Variants in TDRP observed in about 807,000 individuals in gnomAD.
TDRP encodes the protein testis development related protein.
A neutral mutation model predicts 10.5 loss-of-function variants in TDRP; 12 were observed. That is an observed-to-expected ratio of 1.15 (90% CI 0.73 to 1.86). TDRP has a LOEUF of 1.86. Ranked by LOEUF, TDRP falls within the 40% of genes most tolerant of loss-of-function variation. TDRP has a pLI of 0.00. For synonymous variants in TDRP, 139 were observed against 95.4 expected, an observed-to-expected ratio of 1.46 and a Z score of -2.67; for missense variants, 353 against 229.2, an observed-to-expected ratio of 1.54 and a Z score of -3.49.
chr8:515,196 G>C (rs981583051), intron 1 of TDRP, among the ~76,000 whole-genome samples: 1 of 152,118 alleles, frequency 6.6e-6, no homozygotes, highest in African/African-American at 2.4e-5. Flanking sequence ...CACACTGATA[G>C]GTTCTCTTCC....
chr8:497,841 G>C (rs1801176835), intron 1 of TDRP, among the ~76,000 whole-genome samples: 1 of 152,160 alleles, frequency 6.6e-6, no homozygotes, highest in South Asian at 2.1e-4. Flanking sequence ...CTGTGTCCCA[G>C]CCGCTCCACC....
intron 1 of TDRP, among the ~76,000 whole-genome samples, chr8:543,927 A>AGGGGG (rs1196311229): frequency 1.5e-3 from 17 of 11,366 alleles, no homozygotes; most frequent in African/African-American, 2.4e-3. Context: ...GGAAAAAGGG[A>AGGGGG]GGGGGGGGGA....
At chr8:531,345 T>A (rs1209014941) in intron 1 of TDRP, among the ~76,000 whole-genome samples, 1 of 152,204 alleles carries the variant, frequency 6.6e-6, no homozygotes, top group Non-Finnish European at 1.5e-5. Context: ...ACCATTGTGC[T>A]GACATCAGAC....
At chr8:522,056 T>C (rs1470710283) in intron 1 of TDRP, among the ~76,000 whole-genome samples, 3 of 152,212 alleles carry the variant, frequency 2.0e-5, no homozygotes, top group Non-Finnish European at 2.9e-5. Flanking sequence ...TTCATGTTGA[T>C]ATTGTATCCT....
chr8:514,774 C>G (rs756514416), intron 1 of TDRP, among the ~76,000 whole-genome samples: 1 of 152,168 alleles, frequency 6.6e-6, no homozygotes, highest in South Asian at 2.1e-4. Flanking sequence ...AAGGCCCACC[C>G]GAGAAGCAAC....
chr8:501,018 A>G (rs993999504), intron 1 of TDRP, among the ~76,000 whole-genome samples: 5 of 152,138 alleles, frequency 3.3e-5, no homozygotes, highest in Non-Finnish European at 7.3e-5. Flanking sequence ...CATCCTGGCT[A>G]ACACGGTGAA....
chr8:531,952 T>G (rs1467140308), intron 1 of TDRP, among the ~76,000 whole-genome samples: 1 of 152,306 alleles, frequency 6.6e-6, no homozygotes, highest in African/African-American at 2.4e-5. Flanking sequence ...CCTGCGGTGG[T>G]TGCGTAATAA....
At chr8:543,830 C>G (rs983965144) in intron 1 of TDRP, among the ~76,000 whole-genome samples, 7 of 150,634 alleles carry the variant, frequency 4.6e-5, no homozygotes, top group African/African-American at 1.7e-4. Flanking sequence ...GAAGTTGCCA[C>G]ACGTTTAACA....
chr8:496,833 T>G (rs1490241814), intron 1 of TDRP, among the ~76,000 whole-genome samples: 4 of 152,206 alleles, frequency 2.6e-5, no homozygotes, highest in Non-Finnish European at 5.9e-5. Flanking sequence ...GGTGTTCTCA[T>G]GAGATCTGAT....
At chr8:498,784 G>A (rs978189395) in intron 1 of TDRP, among the ~76,000 whole-genome samples, 18 of 152,148 alleles carry the variant, frequency 1.2e-4, no homozygotes, top group Non-Finnish European at 1.5e-4. Flanking sequence ...GGGACCTGGT[G>A]GGACGTGACT....
chr8:510,526 T>A (rs1376695079), intron 1 of TDRP, among the ~76,000 whole-genome samples: 2 of 152,228 alleles, frequency 1.3e-5, no homozygotes, highest in East Asian at 3.9e-4. Context: ...CCAATAAGAT[T>A]AACAGCTGAC....
chr8:535,542 C>G (rs1384960515), intron 1 of TDRP, among the ~76,000 whole-genome samples: 1 of 152,166 alleles, frequency 6.6e-6, no homozygotes, highest in Non-Finnish European at 1.5e-5. Context: ...AGGTAAAATC[C>G]TCTTGAGCTT....
chr8:536,527 G>A (rs537981073), intron 1 of TDRP, among the ~76,000 whole-genome samples: 2 of 152,212 alleles, frequency 1.3e-5, no homozygotes, highest in South Asian at 4.1e-4. Context: ...TACTGATCAA[G>A]TATTTCTGAA....
chr8:533,375 T>G (rs1802259997), intron 1 of TDRP, among the ~76,000 whole-genome samples: 1 of 152,084 alleles, frequency 6.6e-6, no homozygotes. Context: ...GGCACGCCCT[T>G]CTCCTGACAA....
intron 1 of TDRP, among the ~76,000 whole-genome samples, chr8:518,568 T>G (rs1004225648): frequency 6.6e-6 from 1 of 152,130 alleles, no homozygotes; most frequent in Non-Finnish European, 1.5e-5. Context: ...AACAAAAGTC[T>G]AGGAAAGCTG....
At position 491,435 on chromosome 8, in the gene TDRP, A is replaced by T. The variant is rs1289828199; in HGVS notation, c.*964T>A. ...AAGGACAGTAAGCAGACAGAAAAAG[A>T]ACGCGAGAGATGCTCTCAAACCGGT... On this transcript the variant is annotated 3_prime_UTR_variant, in exon 3 of 3. Coordinates refer to ENST00000324079, the MANE Select transcript of TDRP (RefSeq NM_001384899.1). 1.8e-6 allele frequency: 1 copy of T among 542,144 alleles called. No individual in the cohort carries two copies. The highest frequency in any genetic ancestry group is 3.0e-6 in the Non-Finnish European group (1 of 331,442). The allele number at this position is 542,144 out of a possible 1,614,324, so 33.6% of individuals were successfully genotyped here.
intron 1 of TDRP, among the ~76,000 whole-genome samples, chr8:500,020 G>A (rs892397917): frequency 2.0e-5 from 3 of 152,052 alleles, no homozygotes; most frequent in Non-Finnish European, 2.9e-5. Context: ...GAAGAATGAT[G>A]GTAAAACATT....
At chr8:504,284 C>G (rs1341085125) in intron 1 of TDRP, among the ~76,000 whole-genome samples, 1 of 152,212 alleles carries the variant, frequency 6.6e-6, no homozygotes, top group East Asian at 1.9e-4. Context: ...AAAGGCCCCA[C>G]TGCAGCACTG....
chr8:504,256 C>T (rs926017892), intron 1 of TDRP, among the ~76,000 whole-genome samples: 17 of 152,286 alleles, frequency 1.1e-4, no homozygotes, highest in African/African-American at 2.2e-4. Flanking sequence ...TAAAAACAAA[C>T]GGAGGACTGG....
Sources: allele counts gnomAD v4.1 joint callset (sites outside exome capture counted in the v4.1 genomes callset), GRCh38; gene constraint gnomAD v4.1.1; transcripts MANE v1.5; gene names NCBI Gene and HGNC (gene_info 2026-07-23, HGNC 2026-07-21).